The following TCF12 variants were observed in gnomAD, a reference collection of about 807,000 sequenced individuals.
The protein encoded by TCF12 is DNA-binding protein HTF4.
A neutral mutation model predicts 86.0 loss-of-function variants in TCF12; 45 were observed. The observed-to-expected ratio is 0.52, with a 90% CI of 0.41 to 0.67. The LOEUF is 0.67. TCF12 is among the 30% of genes least tolerant of loss of function. TCF12 has a pLI of 0.00. For missense variants in TCF12, 881 were observed against 859.9 expected (o/e 1.02, Z -0.31); for synonymous variants, 330 against 299.6 (o/e 1.10, Z -1.05).
chr15:57,128,788 T>C (rs1037103410), intron 5 of TCF12, among the ~76,000 whole-genome samples: 1 of 152,260 alleles, frequency 6.6e-6, no homozygotes, highest in Non-Finnish European at 1.5e-5. Flanking sequence ...ACACATAATA[T>C]GTGGTCTTTT....
rs1351749816 is a variant in TCF12, at chr15:57,221,459, G to A, written c.580-9693G>A. Among the ~76,000 whole-genome samples the A allele has an allele frequency of 2.0e-5, 3 of 150,574 alleles. No homozygotes were observed. In the East Asian group the frequency reaches 5.8e-4, roughly 29 times the overall value. ...ATTAATTATGTAGGACCCTGAACCA[G>A]ACTAACTCAAAATGAGTTTAGATTT... is the stretch of plus-strand genomic sequence containing the variant. On this transcript the variant is annotated intron_variant, in intron 8 of 20. Coordinates refer to ENST00000333725, the MANE Select transcript of TCF12 (RefSeq NM_207037.2).
chr15:56,980,938 C>T (rs141328110), intron 3 of TCF12, among the ~76,000 whole-genome samples: 13 of 152,280 alleles, frequency 8.5e-5, no homozygotes, highest in Non-Finnish European at 1.6e-4. Flanking sequence ...TCTCAATACT[C>T]AAGACTAGAG....
intron 5 of TCF12, among the ~76,000 whole-genome samples, chr15:57,162,407 G>T (rs1320155595): frequency 1.3e-5 from 2 of 152,146 alleles, no homozygotes; most frequent in Admixed American, 6.5e-5. Flanking sequence ...CTAAGTCTTA[G>T]ACTGAGTATG....
chr15:57,281,201 C>A (rs1160558406), intron 19 of TCF12, among the ~76,000 whole-genome samples: 1 of 150,834 alleles, frequency 6.6e-6, no homozygotes, highest in Admixed American at 6.7e-5. Context: ...TGGGCTCAAG[C>A]GATCCTTGTA....
intron 8 of TCF12, among the ~76,000 whole-genome samples, chr15:57,206,734 T>C (rs2057834326): frequency 6.6e-6 from 1 of 151,508 alleles, no homozygotes; most frequent in Non-Finnish European, 1.5e-5. Context: ...GTGGAGAGTT[T>C]ATTGTATTAC....
chr15:57,240,460 A>G (rs188482444), intron 12 of TCF12, among the ~76,000 whole-genome samples: 67 of 152,318 alleles, frequency 4.4e-4, no homozygotes, highest in Non-Finnish European at 4.0e-4. Flanking sequence ...CATCAGTGTT[A>G]TCAGCCTTTC....
chr15:57,200,932 A>T (rs2057512813), intron 8 of TCF12, among the ~76,000 whole-genome samples: 1 of 152,212 alleles, frequency 6.6e-6, no homozygotes. Flanking sequence ...TTGGCTGTAT[A>T]GCCTTAGATT....
At chr15:57,131,564 A>G (rs2052124180) in intron 5 of TCF12, among the ~76,000 whole-genome samples, 1 of 152,212 alleles carries the variant, frequency 6.6e-6, no homozygotes, top group African/African-American at 2.4e-5. Flanking sequence ...CATAAAAGCA[A>G]TCACTCATCA....
At chr15:57,230,879 G>C (rs1322285512) in intron 8 of TCF12, among the ~76,000 whole-genome samples, 1 of 151,618 alleles carries the variant, frequency 6.6e-6, no homozygotes, top group African/African-American at 2.4e-5. Flanking sequence ...TGCTTATTCA[G>C]TCACTTGGTG....
chr15:57,063,773 A>T lies in TCF12; in HGVS notation c.172A>T (p.Thr58Ser), dbSNP rs1194895267. The T allele has an allele frequency of 6.2e-7, 1 of 1,603,890 alleles. No individual in the cohort carries two copies. The highest frequency in any genetic ancestry group is 8.5e-7 in the Non-Finnish European group (1 of 1,172,300). ...GSGIDERGGT[T>S]SWGTSGQPSP... The stretch of plus-strand genomic sequence containing the variant: ...AGGTATTGATGAAAGAGGAGGTACA[A>T]CATCTTGGGGAACAAGTGGTCAACC... The change falls in exon 4 of 21, where the codon ACA becomes TCA. Residue 58 changes from threonine to serine, a missense_variant. Around this residue, in one of 3 missense-constraint regions of TCF12, gnomAD observed 766 missense variants for 718.9 expected, o/e 1.07. Transcript: ENST00000333725.
chr15:57,003,544 CACA>C (rs1349117900), intron 3 of TCF12, among the ~76,000 whole-genome samples: 2 of 152,118 alleles, frequency 1.3e-5, no homozygotes, highest in African/African-American at 4.8e-5. Context: ...TCAACAAAAA[CACA>C]ACAATGCAAA....
chr15:56,918,130 C>T, upstream of TCF12: 1 of 446,988 alleles, frequency 2.2e-6, no homozygotes, highest in Admixed American at 2.4e-5. Context: ...TCCACACGCG[C>T]GGTGTCTGCG....
rs563958026 is a variant in TCF12 at position 57,158,385 on chromosome 15, G to T, written c.326-8017G>T. ...TGTAGAGTTGGGTTTTTGCCATGTT[G>T]CCCAGGCTGGTCTCGAACTCCTGGG... On this transcript the variant is annotated intron_variant, in intron 5 of 20. Transcript: ENST00000333725. Among the ~76,000 whole-genome samples the T allele has an allele frequency of 1.8e-4, 28 of 151,916 alleles. 1 individual carries two copies. The South Asian group carries it at 5.6e-3, about 31-fold the overall frequency.
intron 5 of TCF12, among the ~76,000 whole-genome samples, chr15:57,158,501 A>G (rs79455709): frequency 2.0e-5 from 3 of 152,244 alleles, no homozygotes; most frequent in Non-Finnish European, 4.4e-5. Flanking sequence ...TATAAAGCCT[A>G]TTCAAATTGC....
chr15:56,946,595 AT>A, intron 3 of TCF12, among the ~76,000 whole-genome samples: 1 of 151,976 alleles, frequency 6.6e-6, no homozygotes, highest in Non-Finnish European at 1.5e-5. Context: ...TATGGGTCAC[AT>A]TTTTCTGCTG....
rs12911297 is a variant in TCF12 at position 57,289,113 on chromosome 15, G to A, written c.*2968G>A. The A allele has an allele frequency of 0.39, 59,569 of 152,014 alleles. 14,579 individuals are homozygous for A. The highest frequency in any genetic ancestry group is 0.54 in the Non-Finnish European group (36,785 of 67,970). The allele number at this position is 152,014 out of a possible 1,614,324, so 9.4% of individuals were successfully genotyped here. On this transcript the variant is annotated 3_prime_UTR_variant, in exon 21 of 21. Coordinates refer to ENST00000333725, the MANE Select transcript of TCF12 (RefSeq NM_207037.2). ...GACTTTTTGTAGGACCTGTGCGTGCGAAACCCATGGCAATTGTCACATCCT... is the reference window on the plus strand; with the variant it reads ...GACTTTTTGTAGGACCTGTGCGTGCAAAACCCATGGCAATTGTCACATCCT...
At chr15:57,047,057 T>A (rs2067278937) in intron 3 of TCF12, among the ~76,000 whole-genome samples, 1 of 152,192 alleles carries the variant, frequency 6.6e-6, no homozygotes, top group African/African-American at 2.4e-5. Context: ...TTTGAAAGTT[T>A]TAAAGGGAGG....
In TCF12 at chr15:57,121,442, G is replaced by A. The variant is rs150715234; in HGVS notation, c.325+29551G>A. 6.6e-4 allele frequency among the ~76,000 whole-genome samples: 101 copies of A among 152,332 alleles called. No individual in the cohort carries two copies. The East Asian group carries it at 0.015, about 23-fold the overall frequency. ...ACCCTCAATGCAACAGTGTTAAAAG[G>A]TGTAGTTGGCCTGTGGGAGGTTATT... On this transcript the variant is annotated intron_variant, in intron 5 of 20. Transcript: ENST00000333725.
At chr15:56,957,758 A>G (rs1171149184) in intron 3 of TCF12, among the ~76,000 whole-genome samples, 1 of 151,970 alleles carries the variant, frequency 6.6e-6, no homozygotes, top group Non-Finnish European at 1.5e-5. Flanking sequence ...GATTCCAGAC[A>G]TTGTGGATTT....
Sources: allele counts gnomAD v4.1 joint callset (sites outside exome capture counted in the v4.1 genomes callset), GRCh38; gene constraint gnomAD v4.1.1; regional missense constraint gnomAD v4.1.1; transcripts MANE v1.5; gene names NCBI Gene and HGNC (gene_info 2026-07-23, HGNC 2026-07-21).